CNOT4: variants seen among roughly 807,000 people sequenced by gnomAD.
The protein encoded by CNOT4 is CCR4-associated factor 4.
Under a neutral mutation model 73.8 loss-of-function variants are expected in CNOT4, and 8 were observed. The ratio of observed to expected loss-of-function variants is 0.11; its 90% CI spans 0.06 to 0.20. The LOEUF is 0.20. Among genes scored for constraint, CNOT4 ranks in the 10% least tolerant of loss-of-function variants. The probability of loss-of-function intolerance (pLI) is 1.00; values close to 1 mark genes in which losing one functional copy is unlikely to be tolerated. For synonymous variants in CNOT4, 293 were observed against 321.1 expected (o/e 0.91, Z 0.94); for missense variants, 564 against 883.4 (o/e 0.64, Z 4.58).
intron 10 of CNOT4, among the ~76,000 whole-genome samples, chr7:135,381,226 ACATT>A (rs1312761770): frequency 6.6e-6 from 1 of 152,218 alleles, no homozygotes; most frequent in African/African-American, 2.4e-5. Context: ...TTCCTCTACT[ACATT>A]CATTAAGTGG....
intron 10 of CNOT4, among the ~76,000 whole-genome samples, chr7:135,378,574 C>T (rs1795654151): frequency 6.6e-6 from 1 of 151,246 alleles, no homozygotes; most frequent in African/African-American, 2.4e-5. Context: ...TTGGAATAAG[C>T]TGACAGGTGA....
At chr7:135,442,052 C>T (rs2551771) in intron 1 of CNOT4, among the ~76,000 whole-genome samples, 150,470 of 152,316 alleles carry the variant, frequency 0.99, 74,327 homozygotes, top group East Asian at 1. Context: ...GACTGACTCA[C>T]CTCTTTCACA....
Position 135,395,719 on chromosome 7 carries a change from T to C in CNOT4, c.1044A>G (p.Pro348=), listed in dbSNP as rs746142959. Reference sequence around the variant, plus strand: ...AGCTGGGGAAAGGAGGAAGCCCACTTGGGATAGGGTTGGGATGGCGAAAAT... The same window carrying C: ...AGCTGGGGAAAGGAGGAAGCCCACTCGGGATAGGGTTGGGATGGCGAAAAT... ...SDNFRHPNPI[P]SGLPPFPSSP... is the part of the protein sequence containing the mutation. The change falls in exon 9 of 12, where the codon CCA becomes CCG. Residue 348 remains proline, a synonymous_variant. Coordinates refer to ENST00000541284, the MANE Select transcript of CNOT4 (RefSeq NM_001190850.2). The C allele has an allele frequency of 6.2e-7, 1 of 1,613,938 alleles. No homozygotes were observed. The highest frequency in any genetic ancestry group is 1.7e-5 in the Admixed American group (1 of 60,006).
intron 1 of CNOT4, among the ~76,000 whole-genome samples, chr7:135,489,391 CTTTTT>C (rs71174525): frequency 1.2e-5 from 1 of 84,744 alleles, no homozygotes; most frequent in Non-Finnish European, 2.2e-5. Context: ...AGTCACATTT[CTTTTT>C]TTTTTTTTTT....
intron 1 of CNOT4, among the ~76,000 whole-genome samples, chr7:135,489,866 A>G (rs1802993946): frequency 6.6e-6 from 1 of 152,246 alleles, no homozygotes; most frequent in Admixed American, 6.5e-5. Flanking sequence ...CATATATACA[A>G]TGCCACAACA....
chr7:135,465,343 C>T (rs537152598), intron 1 of CNOT4, among the ~76,000 whole-genome samples: 3 of 152,172 alleles, frequency 2.0e-5, no homozygotes, highest in Admixed American at 2.0e-4. Context: ...CCACAACACA[C>T]GCCCACATTT....
intron 7 of CNOT4, among the ~76,000 whole-genome samples, chr7:135,407,495 C>A (rs1056107358): frequency 1.3e-5 from 2 of 151,998 alleles, no homozygotes; most frequent in Non-Finnish European, 2.9e-5. Flanking sequence ...TAGAGACATC[C>A]CCATGAAAGT....
rs532380467 is a variant in CNOT4, at chr7:135,472,698, C to T, written c.-92-34275G>A. 1.7e-3 allele frequency among the ~76,000 whole-genome samples: 261 copies of T among 150,402 alleles called. 1 individual carries two copies. Among genetic ancestry groups the T allele is most frequent in the Non-Finnish European group, 2.9e-3 (194 of 67,624 alleles). Reference sequence around the variant, plus strand: ...GTTTAAATATGCAACACACGAATTACACAAAATTCTAAACAAAGGTTAAAA... The same window carrying T: ...GTTTAAATATGCAACACACGAATTATACAAAATTCTAAACAAAGGTTAAAA... On this transcript the variant is annotated intron_variant, in intron 1 of 11. Transcript: ENST00000541284.
chr7:135,487,559 A>G (rs566936289), intron 1 of CNOT4, among the ~76,000 whole-genome samples: 1 of 152,218 alleles, frequency 6.6e-6, no homozygotes, highest in South Asian at 2.1e-4. Flanking sequence ...GTACCTAAGC[A>G]GGTATTATGG....
At chr7:135,427,817 C>G (rs1798591139) in intron 2 of CNOT4, among the ~76,000 whole-genome samples, 1 of 151,994 alleles carries the variant, frequency 6.6e-6, no homozygotes, top group African/African-American at 2.4e-5. Context: ...AAATCCCAAG[C>G]CAGTTTTTGG....
chr7:135,509,706 T>C (rs1012105583), intron 1 of CNOT4, 183 bp downstream of exon 1: 4 of 219,006 alleles, frequency 1.8e-5, no homozygotes, highest in Admixed American at 6.5e-5. Context: ...GTAACTGCTG[T>C]GGCGTAAAGG....
intron 9 of CNOT4, 35 bp downstream of exon 9, chr7:135,395,599 C>T (rs370204532): frequency 6.3e-7 from 1 of 1,589,300 alleles, no homozygotes; most frequent in Non-Finnish European, 8.6e-7. Context: ...ACGTTAAGAG[C>T]ATAATTACTA....
At chr7:135,402,987 G>T (rs1250064584) in intron 7 of CNOT4, among the ~76,000 whole-genome samples, 1 of 151,964 alleles carries the variant, frequency 6.6e-6, no homozygotes, top group Admixed American at 6.5e-5. Flanking sequence ...TCAAGGATGG[G>T]GGTGGACTAA....
chr7:135,502,632 T>C (rs923435392), intron 1 of CNOT4, among the ~76,000 whole-genome samples: 1 of 151,448 alleles, frequency 6.6e-6, no homozygotes. Flanking sequence ...CTGGCCAACA[T>C]GGTGAAACCC....
intron 1 of CNOT4, among the ~76,000 whole-genome samples, chr7:135,464,573 A>T (rs554731321): frequency 3.5e-4 from 54 of 152,208 alleles, no homozygotes; most frequent in African/African-American, 1.2e-3. Flanking sequence ...GAGGAGCAGA[A>T]AAGATAACTG....
chr7:135,465,325 T>C (rs1468804306), intron 1 of CNOT4, among the ~76,000 whole-genome samples: 2 of 152,162 alleles, frequency 1.3e-5, no homozygotes, highest in Non-Finnish European at 2.9e-5. Flanking sequence ...ACACGCTGAC[T>C]GCTACTCCCA....
intron 2 of CNOT4, among the ~76,000 whole-genome samples, chr7:135,433,044 C>T (rs568129883): frequency 2.7e-4 from 41 of 152,242 alleles, no homozygotes; most frequent in African/African-American, 9.4e-4. Flanking sequence ...TTCTTTGGTT[C>T]TGGGAAATAT....
intron 2 of CNOT4, among the ~76,000 whole-genome samples, chr7:135,426,814 T>A (rs1208771928): frequency 6.6e-6 from 1 of 150,728 alleles, no homozygotes; most frequent in East Asian, 1.9e-4. Flanking sequence ...TCCCAGCTAC[T>A]CAGGAGGCTG....
intron 2 of CNOT4, among the ~76,000 whole-genome samples, chr7:135,423,563 CT>C (rs1798311752): frequency 6.6e-6 from 1 of 151,974 alleles, no homozygotes; most frequent in Admixed American, 6.6e-5. Context: ...TATTTCACAA[CT>C]TTTACTAGTA....
Sources: gnomAD v4.1 joint callset for allele counts (sites outside exome capture counted in the v4.1 genomes callset) on GRCh38, gnomAD v4.1.1 for gene constraint, MANE v1.5 for transcripts, NCBI Gene and HGNC (gene_info 2026-07-23, HGNC 2026-07-21) for gene names.